FAM133A: variants seen among roughly 807,000 people sequenced by gnomAD.
FAM133A encodes family with sequence similarity 133 member A, also known as protein FAM133A.
For missense variants in FAM133A, 159 were observed against 164.4 expected (o/e 0.97, Z 0.18); for synonymous variants, 65 against 58.6 (o/e 1.11, Z -0.50).
intron 2 of FAM133A, among the ~76,000 whole-genome samples, chrX:93,690,525 G>A (rs1166426010): frequency 3.6e-5 from 4 of 111,514 alleles, no homozygotes; most frequent in Admixed American, 1.9e-4. Context: ...TTTGAGGTCC[G>A]TCCATGTTAT....
chrX:93,688,509 T>A (rs1412830700), intron 2 of FAM133A, among the ~76,000 whole-genome samples: 1 of 111,272 alleles, frequency 9.0e-6, no homozygotes. Context: ...TATAAACCCC[T>A]TGAGAGGAGA....
chrX:93,702,837 T>TAAAAAAAAAAAAAAAAAAAAAAAAAAAA (rs33985910), intron 3 of FAM133A, among the ~76,000 whole-genome samples: 1 of 43,032 alleles, frequency 2.3e-5, no homozygotes, highest in Non-Finnish European at 4.0e-5. Context: ...ATAGCTATGA[T>TAAAAAAAAAAAAAAAAAAAAAAAAAAAA]AAAAAAAAAA....
Position 93,709,386 on chromosome X carries a change from A to G in FAM133A, c.-34A>G. 9.1e-7 allele frequency: 1 copy of G among 1,099,383 alleles called. No individual in the cohort carries two copies. The highest frequency in any genetic ancestry group is 1.2e-6 in the Non-Finnish European group (1 of 844,025). The allele number at this position is 1,099,383 out of a possible 1,213,427, so 90.6% of individuals were successfully genotyped here. ...AGTATCTATCTTTGTTCTCCTTGGCAACTGAGAGTCTGCCCTTGGAAACAT... is the reference window on the plus strand; with the variant it reads ...AGTATCTATCTTTGTTCTCCTTGGCGACTGAGAGTCTGCCCTTGGAAACAT... On this transcript the variant is annotated 5_prime_UTR_variant, in exon 4 of 4. Coordinates refer to ENST00000683942, the MANE Select transcript of FAM133A (RefSeq NM_001171109.2).
At chrX:93,705,937 T>C (rs2147664613) in intron 3 of FAM133A, among the ~76,000 whole-genome samples, 1 of 112,115 alleles carries the variant, frequency 8.9e-6, no homozygotes, top group South Asian at 3.6e-4. Flanking sequence ...TGCCTTCTTA[T>C]CTCTTTACTT....
intron 3 of FAM133A, among the ~76,000 whole-genome samples, chrX:93,707,469 A>G (rs1349981198): frequency 9.0e-6 from 1 of 111,311 alleles, no homozygotes; most frequent in Non-Finnish European, 1.9e-5. Flanking sequence ...TTTCTCTTCT[A>G]TATAAAAGAC....
rs376895079 is a variant in FAM133A, at chrX:93,709,305, C to T, written c.-103-12C>T. ...AGGTGATTTGTAATCATTCCATCTG[C>T]TTCTCTTACAGAATGGAGCTTGCTT... On this transcript the variant is annotated splice_polypyrimidine_tract_variant and intron_variant, in intron 3 of 3. Transcript: ENST00000683942. 2.4e-5 allele frequency: 23 copies of T among 944,423 alleles called. No homozygotes were observed. The highest frequency in any genetic ancestry group is 1.6e-4 in the African/African-American group (8 of 48,996). The allele number at this position is 944,423 out of a possible 1,213,427, so 77.8% of individuals were successfully genotyped here. A position where few individuals can be genotyped will look rare whatever the true frequency, so the allele number is the denominator to read the frequency against.
chrX:93,697,170 TA>T (rs199668989), intron 2 of FAM133A, among the ~76,000 whole-genome samples: 2,777 of 83,829 alleles, frequency 0.033, 82 homozygotes, highest in African/African-American at 0.15. Flanking sequence ...AGGCAAGTTA[TA>T]TATATATATA....
intron 2 of FAM133A, among the ~76,000 whole-genome samples, chrX:93,693,690 GA>G (rs1295383512): frequency 9.0e-6 from 1 of 111,294 alleles, no homozygotes; most frequent in Admixed American, 9.6e-5. Flanking sequence ...TGCAACATTA[GA>G]ACCCTTTTTG....
intron 2 of FAM133A, among the ~76,000 whole-genome samples, chrX:93,681,287 G>GTCTATCTATCTATCTATCTATCTA (rs55666833): frequency 3.3e-4 from 35 of 104,803 alleles, no homozygotes; most frequent in African/African-American, 1.0e-3. Context: ...GATATATTCT[G>GTCTATCTATCTATCTATCTATCTA]TCTATCTATC....
At chrX:93,704,649 T>G (rs982431626) in intron 3 of FAM133A, among the ~76,000 whole-genome samples, 1 of 112,212 alleles carries the variant, frequency 8.9e-6, no homozygotes, top group African/African-American at 3.2e-5. Flanking sequence ...CTAGTTTTAG[T>G]GATATTTGTG....
intron 2 of FAM133A, among the ~76,000 whole-genome samples, chrX:93,689,401 T>C (rs900140884): frequency 5.4e-5 from 6 of 111,864 alleles, no homozygotes; most frequent in Admixed American, 1.9e-4. Context: ...GTTGATTAAA[T>C]AAAATAAAGT....
At chrX:93,695,414 T>A (rs1207120304) in intron 2 of FAM133A, among the ~76,000 whole-genome samples, 1 of 109,019 alleles carries the variant, frequency 9.2e-6, no homozygotes, top group Non-Finnish European at 1.9e-5. Context: ...CCACCACGCC[T>A]GGCTAATTTT....
At chrX:93,701,349 C>T (rs1230487525) in intron 3 of FAM133A, among the ~76,000 whole-genome samples, 1 of 111,445 alleles carries the variant, frequency 9.0e-6, no homozygotes. Context: ...ATTTGAGGAA[C>T]CTTGTCAAGG....
At chrX:93,692,548 A>G (rs1379744825) in intron 2 of FAM133A, among the ~76,000 whole-genome samples, 1 of 111,828 alleles carries the variant, frequency 8.9e-6, no homozygotes, top group Non-Finnish European at 1.9e-5. Context: ...ATGGTGATGA[A>G]ACAGTTACTG....
At chrX:93,677,677 T>C (rs139463411) in intron 2 of FAM133A, among the ~76,000 whole-genome samples, 1,912 of 111,997 alleles carry the variant, frequency 0.017, 22 homozygotes, top group Non-Finnish European at 0.023. Flanking sequence ...AGTGGAATAA[T>C]GTAGTATGTT....
chrX:93,699,667 A>G (rs965886129), intron 3 of FAM133A, among the ~76,000 whole-genome samples: 2 of 111,319 alleles, frequency 1.8e-5, no homozygotes, highest in African/African-American at 6.5e-5. Context: ...TAGAGCCAAG[A>G]ACTTTTATCA....
intron 2 of FAM133A, among the ~76,000 whole-genome samples, chrX:93,679,573 G>A (rs1386943867): frequency 9.0e-6 from 1 of 110,735 alleles, no homozygotes; most frequent in Non-Finnish European, 1.9e-5. Context: ...AATTTTAATT[G>A]TCATGTAAAA....
chrX:93,694,861 AG>A (rs1926122758), intron 2 of FAM133A, among the ~76,000 whole-genome samples: 1 of 111,771 alleles, frequency 8.9e-6, no homozygotes, highest in Admixed American at 9.5e-5. Flanking sequence ...TACATACAAA[AG>A]TATGTATATC....
intron 2 of FAM133A, among the ~76,000 whole-genome samples, chrX:93,683,546 T>G (rs760151440): frequency 8.9e-6 from 1 of 112,309 alleles, no homozygotes; most frequent in Non-Finnish European, 1.9e-5. Context: ...ATCATATTTC[T>G]ATTATAATCA....
Sources: allele counts gnomAD v4.1 joint callset (sites outside exome capture counted in the v4.1 genomes callset), GRCh38; gene constraint gnomAD v4.1.1; transcripts MANE v1.5; gene names NCBI Gene and HGNC (gene_info 2026-07-23, HGNC 2026-07-21).